Variants in CYP27A1 observed in about 807,000 individuals in gnomAD.
The protein encoded by CYP27A1 is cytochrome P450 family 27 subfamily A member 1.
Under a neutral mutation model 58.2 loss-of-function variants are expected in CYP27A1, and 46 were observed. The ratio of observed to expected loss-of-function variants is 0.79; its 90% CI spans 0.62 to 1.01. CYP27A1 has a LOEUF of 1.01. Among genes scored for constraint, CYP27A1 ranks in the 50% least tolerant of loss-of-function variants. The pLI is 0.00. For missense variants in CYP27A1, 704 were observed against 687.0 expected, an observed-to-expected ratio of 1.02 and a Z score of -0.28; for synonymous variants, 274 against 285.1, an observed-to-expected ratio of 0.96 and a Z score of 0.39.
At chr2:218,792,214 T>A (rs944668400) in intron 1 of CYP27A1, among the ~76,000 whole-genome samples, 1 of 152,220 alleles carries the variant, frequency 6.6e-6, no homozygotes, top group Non-Finnish European at 1.5e-5. Flanking sequence ...ATGCTTAACA[T>A]TGGACTTACA....
At chr2:218,795,722 T>G (rs1025515514) in intron 1 of CYP27A1, among the ~76,000 whole-genome samples, 1 of 152,190 alleles carries the variant, frequency 6.6e-6, no homozygotes, top group Non-Finnish European at 1.5e-5. Flanking sequence ...GAGTTTAGAA[T>G]TTAATTACAA....
At chr2:218,788,749 C>T (rs1943464161) in intron 1 of CYP27A1, among the ~76,000 whole-genome samples, 1 of 152,186 alleles carries the variant, frequency 6.6e-6, no homozygotes, top group African/African-American at 2.4e-5. Context: ...TCCTATTTGG[C>T]TTCCTTCTTC....
At chr2:218,786,553 AC>A (rs1420090168) in intron 1 of CYP27A1, among the ~76,000 whole-genome samples, 3 of 152,228 alleles carry the variant, frequency 2.0e-5, no homozygotes, top group Non-Finnish European at 2.9e-5. Flanking sequence ...AATAAAAATT[AC>A]ATTGAATGCT....
intron 1 of CYP27A1, among the ~76,000 whole-genome samples, chr2:218,808,345 G>A (rs1185903518): frequency 2.0e-5 from 3 of 152,180 alleles, no homozygotes; most frequent in Admixed American, 6.5e-5. Context: ...GATGTTAGGG[G>A]TTTGTCAAGA....
intron 1 of CYP27A1, among the ~76,000 whole-genome samples, chr2:218,802,349 G>C (rs571767004): frequency 6.6e-6 from 1 of 151,096 alleles, no homozygotes; most frequent in South Asian, 2.1e-4. Context: ...AAAAAGACTA[G>C]GTTAAGATGT....
At chr2:218,783,299 G>A (rs982546378) in intron 1 of CYP27A1, among the ~76,000 whole-genome samples, 5 of 150,336 alleles carry the variant, frequency 3.3e-5, no homozygotes, top group African/African-American at 4.9e-5. Context: ...AAAGAAATCA[G>A]CCTGTAGTCT....
At position 218,793,701 on chromosome 2, in the gene CYP27A1, C is replaced by T. The variant is rs182460951; in HGVS notation, c.255+11264C>T. On this transcript the variant is annotated intron_variant, in intron 1 of 8. Transcript: ENST00000258415. ...CCATAAACCTTTTGTTTCACATTTTCCCCAAGTTTCTCTTTCTTTTTTTTT... is the reference window on the plus strand; with the variant it reads ...CCATAAACCTTTTGTTTCACATTTTTCCCAAGTTTCTCTTTCTTTTTTTTT... Among the ~76,000 whole-genome samples, 1,315 of 151,730 alleles carry T rather than the reference C, an allele frequency of 8.7e-3. 12 individuals carry two copies. The highest frequency in any genetic ancestry group is 0.014 in the Non-Finnish European group (927 of 67,932).
chr2:218,790,858 C>T (rs570964395), intron 1 of CYP27A1, among the ~76,000 whole-genome samples: 5 of 152,070 alleles, frequency 3.3e-5, no homozygotes, highest in East Asian at 3.9e-4. Context: ...CCACCACTCC[C>T]GGCTATATTT....
intron 5 of CYP27A1, 111 bp from the exon 6 acceptor site, chr2:218,813,910 A>C: frequency 1.7e-6 from 2 of 1,178,492 alleles, no homozygotes; most frequent in Non-Finnish European, 2.5e-6. Flanking sequence ...CTGCTAGGCT[A>C]GTGGCAAATT....
rs1559391520 is a variant in CYP27A1, at chr2:218,809,753, TG to T, written c.435del (p.Pro146ArgfsTer16). On this transcript the variant is annotated frameshift_variant, in exon 2 of 9. Coordinates refer to ENST00000258415, the MANE Select transcript of CYP27A1 (RefSeq NM_000784.4). LOFTEE classifies it high-confidence loss of function. ...ACCGGGACCAGCACGACCTGACCTA[TG>T]GGCCGTTCACCACGTGAGCTGGGGC... The part of the protein sequence containing the change: ...EHRDQHDLTY[G>X]PFTTEGHHWY... The T allele has an allele frequency of 6.2e-7, 1 of 1,613,264 alleles. No homozygotes were observed. Among genetic ancestry groups the T allele is most frequent in the Non-Finnish European group, 8.5e-7 (1 of 1,179,414 alleles).
rs1943756547 is a variant in CYP27A1, at chr2:218,814,145, C to A, written c.1142C>A (p.Ala381Asp). ...AGQVPQHKDF[A>D]HMPLLKAVLK... is the part of the protein sequence containing the mutation. ...CAAGTGCCCCAGCACAAGGACTTTG[C>A]CCACATGCCGTTGCTCAAAGCTGTG... is the stretch of plus-strand genomic sequence containing the variant. The change falls in exon 6 of 9, where the codon GCC (alanine) becomes GAC (aspartate). Residue 381 changes from alanine (A) to aspartate (D), a missense_variant. Physicochemically the swap from Ala to Asp is moderately radical, Grantham distance 126. Coordinates refer to ENST00000258415, the MANE Select transcript of CYP27A1 (RefSeq NM_000784.4). 6.2e-7 allele frequency: 1 copy of A among 1,614,112 alleles called. No homozygotes were observed. Among genetic ancestry groups the A allele is most frequent in the Non-Finnish European group, 8.5e-7 (1 of 1,180,050 alleles).
rs1172729937 is a variant in CYP27A1, at chr2:218,814,038, A to G, written c.1035A>G (p.Thr345=). The change falls in exon 6 of 9, where the codon ACA becomes ACG. Residue 345 remains threonine (T), a synonymous_variant. Transcript: ENST00000258415. ...TCTTCTAGACATCCAACACGCTGAC[A>G]TGGGCCCTGTACCACCTCTCAAAGG... is the stretch of plus-strand genomic sequence containing the variant. The part of the protein sequence containing the change: ...AGVDTTSNTL[T]WALYHLSKDP... The G allele has an allele frequency of 3.7e-6, 6 of 1,614,076 alleles. No individual in the cohort carries two copies. Among genetic ancestry groups the G allele is most frequent in the Non-Finnish European group, 5.1e-6 (6 of 1,180,034 alleles).
intron 1 of CYP27A1, among the ~76,000 whole-genome samples, chr2:218,791,970 C>T (rs916474745): frequency 2.6e-5 from 4 of 151,908 alleles, no homozygotes; most frequent in Non-Finnish European, 5.9e-5. Context: ...CATCAGCTAG[C>T]GAAATGTACC....
rs546798228 is a variant in CYP27A1 at position 218,790,879 on chromosome 2, T to C, written c.255+8442T>C. Among the ~76,000 whole-genome samples, 38 of 152,134 alleles carry C rather than the reference T, an allele frequency of 2.5e-4. No homozygotes were observed. In the South Asian group the frequency reaches 7.3e-3, roughly 29 times the overall value. ...CTCCCGGCTATATTTTTTTTTGTAT[T>C]TTTAGTAGAGACGGGGTTTCACTGT... On this transcript the variant is annotated intron_variant, in intron 1 of 8. Transcript: ENST00000258415.
chr2:218,794,645 C>A (rs1278115703), intron 1 of CYP27A1, among the ~76,000 whole-genome samples: 4 of 152,144 alleles, frequency 2.6e-5, no homozygotes, highest in Non-Finnish European at 5.9e-5. Flanking sequence ...TGAGCCCAAT[C>A]CTGAACCAGC....
At chr2:218,802,368 A>G (rs1354020022) in intron 1 of CYP27A1, among the ~76,000 whole-genome samples, 1 of 152,182 alleles carries the variant, frequency 6.6e-6, no homozygotes, top group African/African-American at 2.4e-5. Context: ...GTGAAGAAAC[A>G]GAACTACTTG....
intron 1 of CYP27A1, among the ~76,000 whole-genome samples, chr2:218,799,377 A>C (rs1575201536): frequency 6.6e-6 from 1 of 151,318 alleles, no homozygotes. Context: ...CTTTACCTAC[A>C]CCCTCCTGTA....
intron 1 of CYP27A1, among the ~76,000 whole-genome samples, chr2:218,795,321 C>T (rs1395651630): frequency 6.6e-6 from 1 of 152,120 alleles, no homozygotes; most frequent in Non-Finnish European, 1.5e-5. Flanking sequence ...AATTGTGTCT[C>T]AGGGGGTGTT....
chr2:218,809,913 G>T, intron 2 of CYP27A1, 146 bp downstream of exon 2: 1 of 698,602 alleles, frequency 1.4e-6, no homozygotes, highest in African/African-American at 1.8e-5. Flanking sequence ...GTTGTTGGGA[G>T]GTGCTGAAGC....
Sources: allele counts gnomAD v4.1 joint callset (sites outside exome capture counted in the v4.1 genomes callset), GRCh38; gene constraint gnomAD v4.1.1; transcripts MANE v1.5; gene names NCBI Gene and HGNC (gene_info 2026-07-23, HGNC 2026-07-21).